Variants in ARHGAP24 observed in about 807,000 individuals in gnomAD.
The protein encoded by ARHGAP24 is Rho GTPase activating protein 24.
ARHGAP24 carries 50 observed loss-of-function variants against 76.4 expected under a neutral mutation model. The ratio of observed to expected loss-of-function variants is 0.65; its 90% CI spans 0.52 to 0.83. The LOEUF (loss-of-function observed/expected upper bound fraction) is 0.83. ARHGAP24 is among the 40% of genes least tolerant of loss of function. ARHGAP24 has a pLI of 0.00. For synonymous variants in ARHGAP24, 345 were observed against 323.3 expected, an observed-to-expected ratio of 1.07 and a Z score of -0.72; for missense variants, 930 against 914.2, an observed-to-expected ratio of 1.02 and a Z score of -0.22.
rs1736813598 is a variant in ARHGAP24 at position 85,939,108 on chromosome 4, C to T, written c.392-2958C>T. On this transcript the variant is annotated intron_variant, in intron 4 of 9. Transcript: ENST00000395184. ...CCTTTCTGTGCTTCAAGCTCCTCCT[C>T]CTTAAAATGCAAGGAATGGTGGTGC... 2.0e-5 allele frequency among the ~76,000 whole-genome samples: 3 copies of T among 152,150 alleles called. No homozygotes were observed. In the South Asian group the frequency reaches 6.2e-4, roughly 31 times the overall value.
At chr4:85,667,810 A>T (rs533116231) in intron 2 of ARHGAP24, among the ~76,000 whole-genome samples, 1 of 152,322 alleles carries the variant, frequency 6.6e-6, no homozygotes, top group Non-Finnish European at 1.5e-5. Flanking sequence ...GAATTTCTTA[A>T]ATTACCCACC....
chr4:85,627,447 G>A (rs1213712993), intron 2 of ARHGAP24, among the ~76,000 whole-genome samples: 2 of 152,112 alleles, frequency 1.3e-5, no homozygotes, highest in Non-Finnish European at 2.9e-5. Context: ...TTGTCTCAGA[G>A]GAGTACCCGG....
At chr4:85,569,458 T>C (rs887026648) in intron 1 of ARHGAP24, among the ~76,000 whole-genome samples, 4 of 152,232 alleles carry the variant, frequency 2.6e-5, no homozygotes, top group African/African-American at 9.6e-5. Context: ...GTCCACCTTC[T>C]CTGTTCTTAC....
chr4:85,920,055 A>G (rs914531805), intron 3 of ARHGAP24, among the ~76,000 whole-genome samples: 1 of 152,216 alleles, frequency 6.6e-6, no homozygotes, highest in African/African-American at 2.4e-5. Context: ...TTTGGTGTGC[A>G]TATGTGTATC....
intron 2 of ARHGAP24, among the ~76,000 whole-genome samples, chr4:85,580,860 G>A (rs17010502): frequency 0.076 from 11,592 of 152,182 alleles, 1,405 homozygotes; most frequent in African/African-American, 0.26. Context: ...TCTCGTAGAA[G>A]AGTAAGGCAC....
At position 85,756,480 on chromosome 4, in the gene ARHGAP24, C is replaced by G. The variant is rs149527725; in HGVS notation, c.268+34508C>G. ...CTTCTATTTATTACAAAAGGACTTTCAGAATCTAGTTCTTCATTTCCAAAA... is the reference window on the plus strand; with the variant it reads ...CTTCTATTTATTACAAAAGGACTTTGAGAATCTAGTTCTTCATTTCCAAAA... On this transcript the variant is annotated intron_variant, in intron 3 of 9. Coordinates refer to ENST00000395184, the MANE Select transcript of ARHGAP24 (RefSeq NM_001025616.3). Among the ~76,000 whole-genome samples, 1,253 of 152,264 alleles carry G rather than the reference C, an allele frequency of 8.2e-3. 14 individuals are homozygous for G. Among genetic ancestry groups the G allele is most frequent in the African/African-American group, 0.028 (1,163 of 41,558 alleles).
At chr4:85,640,714 A>G (rs1721488237) in intron 2 of ARHGAP24, among the ~76,000 whole-genome samples, 1 of 152,162 alleles carries the variant, frequency 6.6e-6, no homozygotes, top group South Asian at 2.1e-4. Context: ...ATAAAAGGGT[A>G]ACAATTATTT....
chr4:85,480,405 T>C (rs1302474435), intron 1 of ARHGAP24, among the ~76,000 whole-genome samples: 2 of 152,186 alleles, frequency 1.3e-5, no homozygotes, highest in African/African-American at 4.8e-5. Flanking sequence ...TGAACTAAAT[T>C]TGATGCTCAA....
At chr4:85,640,569 T>C (rs1489310068) in intron 2 of ARHGAP24, among the ~76,000 whole-genome samples, 1 of 152,204 alleles carries the variant, frequency 6.6e-6, no homozygotes, top group African/African-American at 2.4e-5. Context: ...ACTTTAGAGT[T>C]TATTAAACAA....
At chr4:85,722,820 G>A (rs1725005834) in intron 3 of ARHGAP24, among the ~76,000 whole-genome samples, 1 of 152,246 alleles carries the variant, frequency 6.6e-6, no homozygotes, top group South Asian at 2.1e-4. Flanking sequence ...ATTTATTTGG[G>A]TAAGTAATGT....
At chr4:85,651,226 C>T (rs1721929970) in intron 2 of ARHGAP24, among the ~76,000 whole-genome samples, 8 of 149,234 alleles carry the variant, frequency 5.4e-5, no homozygotes, top group Admixed American at 5.3e-4. Context: ...TTTGGGTATG[C>T]TCTAAATGTA....
chr4:85,622,771 T>A (rs1720769050), intron 2 of ARHGAP24, among the ~76,000 whole-genome samples: 1 of 152,220 alleles, frequency 6.6e-6, no homozygotes, highest in Non-Finnish European at 1.5e-5. Context: ...GTTTCCTGAC[T>A]TTTTAATGAT....
At chr4:85,655,386 G>A in intron 2 of ARHGAP24, among the ~76,000 whole-genome samples, 1 of 152,110 alleles carries the variant, frequency 6.6e-6, no homozygotes, top group Middle Eastern at 3.2e-3. Context: ...TACAAAAAGA[G>A]CTGAATAGGA....
chr4:85,681,456 G>A (rs895036461), intron 2 of ARHGAP24, among the ~76,000 whole-genome samples: 5 of 152,154 alleles, frequency 3.3e-5, no homozygotes, highest in African/African-American at 1.2e-4. Flanking sequence ...TAACTCATGT[G>A]ACATTCAACT....
intron 2 of ARHGAP24, among the ~76,000 whole-genome samples, chr4:85,715,538 A>G (rs1056667389): frequency 1.1e-4 from 17 of 151,954 alleles, no homozygotes; most frequent in Non-Finnish European, 2.1e-4. Context: ...GAAGGGGGAG[A>G]AATAGTTTGC....
chr4:85,515,924 C>T (rs1471575391), intron 1 of ARHGAP24, among the ~76,000 whole-genome samples: 2 of 152,148 alleles, frequency 1.3e-5, no homozygotes, highest in African/African-American at 4.8e-5. Flanking sequence ...CTGCTTAGCC[C>T]TGCCAATGGA....
At chr4:85,641,075 T>A (rs981390210) in intron 2 of ARHGAP24, among the ~76,000 whole-genome samples, 3 of 152,004 alleles carry the variant, frequency 2.0e-5, no homozygotes, top group Non-Finnish European at 4.4e-5. Context: ...TTAAAGAAAG[T>A]TAATAACTTG....
intron 1 of ARHGAP24, among the ~76,000 whole-genome samples, chr4:85,485,728 C>A (rs1723025430): frequency 6.7e-6 from 1 of 149,846 alleles, no homozygotes; most frequent in African/African-American, 2.5e-5. Flanking sequence ...CAGTGTGCTC[C>A]TTTTGAACAG....
chr4:85,917,008 C>T (rs1735443691), intron 3 of ARHGAP24, among the ~76,000 whole-genome samples: 2 of 151,948 alleles, frequency 1.3e-5, no homozygotes, highest in African/African-American at 2.4e-5. Context: ...GTGTGCTGCA[C>T]CCATTAACTC....
Sources: allele counts gnomAD v4.1 joint callset (sites outside exome capture counted in the v4.1 genomes callset), GRCh38; gene constraint gnomAD v4.1.1; transcripts MANE v1.5; gene names NCBI Gene and HGNC (gene_info 2026-07-23, HGNC 2026-07-21).